Variants in MYLK observed in about 807,000 individuals in gnomAD.
MYLK encodes myosin light chain kinase.
Under a neutral mutation model 203.4 loss-of-function variants are expected in MYLK, and 106 were observed. That is an observed-to-expected ratio of 0.52 (90% CI 0.45 to 0.61). The LOEUF is 0.61. Ranked by LOEUF, MYLK falls within the 20% of genes least tolerant of loss-of-function variation. The pLI is 0.00. For synonymous variants in MYLK, 867 were observed against 959.5 expected (o/e 0.90, Z 1.78); for missense variants, 2,072 against 2,442.3 (o/e 0.85, Z 3.20).
intron 24 of MYLK, among the ~76,000 whole-genome samples, chr3:123,652,715 G>A (rs751672289): frequency 6.6e-6 from 1 of 152,222 alleles, no homozygotes; most frequent in African/African-American, 2.4e-5. Flanking sequence ...ACAAATTAGG[G>A]TAAGGAGCAG....
At chr3:123,673,153 T>C (rs1465012743) in intron 20 of MYLK, among the ~76,000 whole-genome samples, 2 of 68,536 alleles carry the variant, frequency 2.9e-5, no homozygotes, top group Non-Finnish European at 6.9e-5. Flanking sequence ...ATGTTCTTTT[T>C]TTCTTTTCTT....
Position 123,612,012 on chromosome 3 carries a change from A to G in MYLK, c.*2093T>C, listed in dbSNP as rs1166658587. ...CCTCCTTATGTGTGACCTGGTTCCTAACAGGCTACTTACCGGGGGTTGGGG... is the reference window on the plus strand; with the variant it reads ...CCTCCTTATGTGTGACCTGGTTCCTGACAGGCTACTTACCGGGGGTTGGGG... On this transcript the variant is annotated 3_prime_UTR_variant, in exon 34 of 34. Transcript: ENST00000360304. The G allele has an allele frequency of 2.0e-5, 3 of 152,296 alleles. No individual in the cohort carries two copies. Among genetic ancestry groups the G allele is most frequent in the African/African-American group, 7.2e-5 (3 of 41,426 alleles). The allele number at this position is 152,296 out of a possible 1,614,324, so 9.4% of individuals were successfully genotyped here. A position where few individuals can be genotyped will look rare whatever the true frequency, so the allele number is the denominator to read the frequency against.
intron 3 of MYLK, among the ~76,000 whole-genome samples, chr3:123,801,183 T>C (rs181981450): frequency 2.0e-5 from 3 of 152,330 alleles, no homozygotes; most frequent in Admixed American, 2.0e-4. Context: ...CACTGTACGC[T>C]TGAAAGAGAA....
At chr3:123,794,046 C>A (rs538048886) in intron 3 of MYLK, among the ~76,000 whole-genome samples, 11 of 152,348 alleles carry the variant, frequency 7.2e-5, no homozygotes, top group African/African-American at 2.6e-4. Flanking sequence ...AAGGCAGAGC[C>A]CATCCCAGAC....
chr3:123,679,500 G>A (rs931996422), intron 20 of MYLK, among the ~76,000 whole-genome samples: 6 of 151,920 alleles, frequency 3.9e-5, no homozygotes, highest in East Asian at 2.0e-4. Context: ...GCCTGGCACC[G>A]CTCTCAGTGT....
chr3:123,883,542 T>A (rs1273391537), intron 1 of MYLK, among the ~76,000 whole-genome samples: 1 of 152,184 alleles, frequency 6.6e-6, no homozygotes, highest in Non-Finnish European at 1.5e-5. Context: ...TTGAAGGGTT[T>A]TAGTTCCATA....
intron 3 of MYLK, among the ~76,000 whole-genome samples, chr3:123,796,761 A>G (rs1043829783): frequency 6.6e-6 from 1 of 152,270 alleles, no homozygotes; most frequent in East Asian, 1.9e-4. Context: ...AAAAAGAAAC[A>G]TAACATATAC....
intron 13 of MYLK, among the ~76,000 whole-genome samples, chr3:123,718,803 C>T (rs702033): frequency 0.85 from 130,056 of 152,152 alleles, 58,396 homozygotes; most frequent in Non-Finnish European, 0.99. Flanking sequence ...CAGGTGCTGA[C>T]TGCTGCTGGC....
At chr3:123,712,162 A>G (rs1024448504) in intron 13 of MYLK, among the ~76,000 whole-genome samples, 1 of 152,132 alleles carries the variant, frequency 6.6e-6, no homozygotes, top group African/African-American at 2.4e-5. Context: ...CCTTCGATGG[A>G]GGGCCGCCAG....
intron 3 of MYLK, among the ~76,000 whole-genome samples, chr3:123,829,008 A>G (rs2066231990): frequency 6.6e-6 from 1 of 152,198 alleles, no homozygotes; most frequent in Non-Finnish European, 1.5e-5. Flanking sequence ...AATATAAACT[A>G]GTATAGCAAC....
At chr3:123,624,225 C>G (rs142696934) in intron 31 of MYLK, 1 of 151,400 alleles carries the variant, frequency 6.6e-6, no homozygotes, top group Non-Finnish European at 1.5e-5. Context: ...CTCAGGAGGC[C>G]GAGTCGAGAA....
chr3:123,881,821 G>A (rs2033561470), intron 1 of MYLK, among the ~76,000 whole-genome samples: 1 of 152,124 alleles, frequency 6.6e-6, no homozygotes, highest in African/African-American at 2.4e-5. Flanking sequence ...GATCTCCCTA[G>A]CCAGAGACCC....
At chr3:123,763,852 T>C (rs2108943843) in intron 4 of MYLK, among the ~76,000 whole-genome samples, 1 of 152,340 alleles carries the variant, frequency 6.6e-6, no homozygotes, top group Middle Eastern at 3.4e-3. Context: ...TGCATGTCTT[T>C]CAGTTTTGAG....
intron 11 of MYLK, among the ~76,000 whole-genome samples, chr3:123,732,583 G>C (rs1291873442): frequency 6.6e-6 from 1 of 152,156 alleles, no homozygotes; most frequent in East Asian, 1.9e-4. Flanking sequence ...TGAACACTCA[G>C]TTCTCTGTGG....
At chr3:123,702,260 G>T (rs1242653934) in intron 16 of MYLK, among the ~76,000 whole-genome samples, 1 of 152,152 alleles carries the variant, frequency 6.6e-6, no homozygotes, top group Non-Finnish European at 1.5e-5. Context: ...GCTGCCACCT[G>T]CTGGCATTTC....
At chr3:123,671,355 T>C (rs747576650) in intron 20 of MYLK, among the ~76,000 whole-genome samples, 1 of 152,082 alleles carries the variant, frequency 6.6e-6, no homozygotes, top group Non-Finnish European at 1.5e-5. Flanking sequence ...GGTCAATTCT[T>C]TGGGGAAAGA....
intron 2 of MYLK, among the ~76,000 whole-genome samples, chr3:123,832,659 A>G (rs1206732113): frequency 1.3e-5 from 2 of 152,192 alleles, no homozygotes; most frequent in Non-Finnish European, 2.9e-5. Context: ...AAGGGGCTGG[A>G]GCGAACTGGT....
intron 4 of MYLK, among the ~76,000 whole-genome samples, chr3:123,778,437 C>T (rs535524712): frequency 2.6e-5 from 4 of 151,044 alleles, no homozygotes; most frequent in African/African-American, 7.3e-5. Flanking sequence ...GGCGTGAACC[C>T]GGGAGGTGGA....
intron 16 of MYLK, among the ~76,000 whole-genome samples, chr3:123,703,106 C>G (rs2061313471): frequency 6.6e-6 from 1 of 152,198 alleles, no homozygotes; most frequent in Non-Finnish European, 1.5e-5. Flanking sequence ...TCCACCTGGA[C>G]AGGCATCTGA....
Sources: gnomAD v4.1 joint callset for allele counts (sites outside exome capture counted in the v4.1 genomes callset) on GRCh38, gnomAD v4.1.1 for gene constraint, MANE v1.5 for transcripts, NCBI Gene and HGNC (gene_info 2026-07-23, HGNC 2026-07-21) for gene names.